SLC16A12: variants seen among roughly 807,000 people sequenced by gnomAD.
The protein encoded by SLC16A12 is monocarboxylate transporter 12.
SLC16A12 carries 17 observed loss-of-function variants against 42.4 expected under a neutral mutation model. The observed-to-expected ratio is 0.40, with a 90% CI of 0.27 to 0.60. The LOEUF (loss-of-function observed/expected upper bound fraction) is 0.60, where lower values mean the gene tolerates loss of function less well. Among genes scored for constraint, SLC16A12 ranks in the 20% least tolerant of loss-of-function variants. The probability of loss-of-function intolerance (pLI) is 0.42; values close to 1 mark genes in which losing one functional copy is unlikely to be tolerated. For synonymous variants in SLC16A12, 224 were observed against 229.4 expected, an observed-to-expected ratio of 0.98 and a Z score of 0.21; for missense variants, 544 against 623.0, an observed-to-expected ratio of 0.87 and a Z score of 1.35.
At chr10:89,550,563 G>T (rs563688337) in intron 2 of SLC16A12, among the ~76,000 whole-genome samples, 12 of 152,224 alleles carry the variant, frequency 7.9e-5, no homozygotes, top group African/African-American at 2.9e-4. Context: ...AGACCATATT[G>T]CTTTGCAGCT....
intron 3 of SLC16A12, among the ~76,000 whole-genome samples, chr10:89,446,439 T>C (rs1025241843): frequency 6.6e-6 from 1 of 151,936 alleles, no homozygotes; most frequent in Non-Finnish European, 1.5e-5. Context: ...CAGAAGAGAG[T>C]GGGGGCCAAT....
chr10:89,430,508 C>T lies in SLC16A12; in HGVS notation c.*2556G>A, dbSNP rs973831881. ...AGAAATATTTAAGATGTAAAATTAT[C>T]CCACTATAATTTTGTTCTTGATTCC... On this transcript the variant is annotated 3_prime_UTR_variant, in exon 8 of 8. Transcript: ENST00000371790. The T allele has an allele frequency of 3.2e-5, 13 of 405,902 alleles. No individual in the cohort carries two copies. Among genetic ancestry groups the T allele is most frequent in the Non-Finnish European group, 4.8e-5 (10 of 207,574 alleles). The allele number at this position is 405,902 out of a possible 1,614,324, so 25.1% of individuals were successfully genotyped here.
At chr10:89,489,060 C>A (rs1237868785) in intron 2 of SLC16A12, among the ~76,000 whole-genome samples, 1 of 152,126 alleles carries the variant, frequency 6.6e-6, no homozygotes, top group East Asian at 1.9e-4. Context: ...CATATTATAA[C>A]ACATAACCAT....
chr10:89,471,663 T>C (rs556932518), intron 2 of SLC16A12, among the ~76,000 whole-genome samples: 75 of 152,310 alleles, frequency 4.9e-4, no homozygotes, highest in African/African-American at 1.8e-3. Flanking sequence ...AAGAAATTGC[T>C]CAATCATAGG....
intron 2 of SLC16A12, among the ~76,000 whole-genome samples, chr10:89,491,766 T>C (rs1260971242): frequency 1.3e-5 from 2 of 152,212 alleles, no homozygotes; most frequent in Non-Finnish European, 2.9e-5. Context: ...TACCTAACAA[T>C]GAGCAGAAAG....
chr10:89,502,172 C>T (rs993049445), intron 2 of SLC16A12, among the ~76,000 whole-genome samples: 18 of 152,000 alleles, frequency 1.2e-4, no homozygotes, highest in African/African-American at 1.9e-4. Flanking sequence ...GATGCCCGGC[C>T]GGGTGCGGTG....
intron 3 of SLC16A12, among the ~76,000 whole-genome samples, chr10:89,444,393 T>A (rs937980793): frequency 6.6e-6 from 1 of 152,152 alleles, no homozygotes; most frequent in Admixed American, 6.5e-5. Context: ...TAAGAGGATA[T>A]ATTCTGGAGA....
At chr10:89,473,946 C>G (rs1003636922) in intron 2 of SLC16A12, among the ~76,000 whole-genome samples, 4 of 152,188 alleles carry the variant, frequency 2.6e-5, no homozygotes, top group Non-Finnish European at 5.9e-5. Flanking sequence ...ATCTCCTTAG[C>G]CAAATATCAG....
At chr10:89,539,614 G>C (rs1312439491), upstream of SLC16A12, among the ~76,000 whole-genome samples, 1 of 152,206 alleles carries the variant, frequency 6.6e-6, no homozygotes, top group African/African-American at 2.4e-5. Context: ...CTACAGATAA[G>C]TAATATTTGG....
chr10:89,436,874 A>AAG (rs1156925692), intron 6 of SLC16A12, among the ~76,000 whole-genome samples: 1 of 131,908 alleles, frequency 7.6e-6, no homozygotes, highest in African/African-American at 3.0e-5. Flanking sequence ...AAGAAAAAGA[A>AAG]AGAAAGAAAG....
At chr10:89,537,167 G>A (rs28490949), upstream of SLC16A12, among the ~76,000 whole-genome samples, 66,025 of 137,986 alleles carry the variant, frequency 0.48, 17,478 homozygotes, top group African/African-American at 0.74. Context: ...TTTTTTTTTG[G>A]GAAGGAGTCT....
chr10:89,458,834 T>C (rs1842242753), intron 3 of SLC16A12, among the ~76,000 whole-genome samples: 1 of 152,220 alleles, frequency 6.6e-6, no homozygotes, highest in South Asian at 2.1e-4. Flanking sequence ...TAAATCAGGA[T>C]GGATTATCCC....
upstream of SLC16A12, among the ~76,000 whole-genome samples, chr10:89,539,898 T>TTTCTTTCTTTC (rs929001007): frequency 6.8e-5 from 10 of 148,076 alleles, no homozygotes; most frequent in Non-Finnish European, 1.5e-4. Context: ...TCTTTCTTTC[T>TTTCTTTCTTTC]TTCTTTCTTT....
At chr10:89,504,960 G>A (rs1843037489) in intron 2 of SLC16A12, among the ~76,000 whole-genome samples, 1 of 152,152 alleles carries the variant, frequency 6.6e-6, no homozygotes, top group African/African-American at 2.4e-5. Context: ...CAAGAAGGAT[G>A]AAGACCCAGG....
At chr10:89,472,637 TG>T (rs1842518503) in intron 2 of SLC16A12, among the ~76,000 whole-genome samples, 1 of 151,172 alleles carries the variant, frequency 6.6e-6, no homozygotes. Context: ...GGAATCCAGG[TG>T]CCCACAACCA....
intron 2 of SLC16A12, among the ~76,000 whole-genome samples, chr10:89,471,618 C>A (rs1842496013): frequency 6.6e-6 from 1 of 152,074 alleles, no homozygotes; most frequent in South Asian, 2.1e-4. Flanking sequence ...TTTTTGTGGT[C>A]ATATGTTTTC....
chr10:89,551,810 A>G (rs1843772697), intron 2 of SLC16A12, among the ~76,000 whole-genome samples: 1 of 152,226 alleles, frequency 6.6e-6, no homozygotes, highest in East Asian at 1.9e-4. Flanking sequence ...GCCATGTGGA[A>G]CTGTAAGTCC....
chr10:89,444,954 C>T (rs1841975004), intron 3 of SLC16A12, among the ~76,000 whole-genome samples: 1 of 152,256 alleles, frequency 6.6e-6, no homozygotes, highest in Non-Finnish European at 1.5e-5. Context: ...TTATCCTGTG[C>T]CTAGCTCAGC....
intron 2 of SLC16A12, among the ~76,000 whole-genome samples, chr10:89,513,064 C>G: frequency 6.6e-6 from 1 of 152,078 alleles, no homozygotes; most frequent in East Asian, 1.9e-4. Context: ...TGAGAATAGA[C>G]TAGACAGGAA....
Sources: gnomAD v4.1 joint callset for allele counts (sites outside exome capture counted in the v4.1 genomes callset) on GRCh38, gnomAD v4.1.1 for gene constraint, MANE v1.5 for transcripts, NCBI Gene and HGNC (gene_info 2026-07-23, HGNC 2026-07-21) for gene names.